ADAT2: variants seen among roughly 807,000 people sequenced by gnomAD.
The protein encoded by ADAT2 is tRNA-specific adenosine-34 deaminase catalytic subunit ADAT2.
Under a neutral mutation model 25.9 loss-of-function variants are expected in ADAT2, and 26 were observed. That is an observed-to-expected ratio of 1.00 (90% CI 0.74 to 1.39). ADAT2 has a LOEUF of 1.39. Ranked by LOEUF, ADAT2 falls within the 40% of genes most tolerant of loss-of-function variation. The pLI, the probability that ADAT2 is intolerant of heterozygous loss-of-function variation, is 0.00. For missense variants in ADAT2, 220 were observed against 244.8 expected (o/e 0.90, Z 0.68); for synonymous variants, 76 against 86.8 (o/e 0.88, Z 0.69).
At chr6:143,447,940 T>C (rs924443008) in intron 1 of ADAT2, among the ~76,000 whole-genome samples, 1 of 152,172 alleles carries the variant, frequency 6.6e-6, no homozygotes, top group Non-Finnish European at 1.5e-5. Flanking sequence ...TAAAGACACA[T>C]GCACAAGAAT....
Position 143,428,741 on chromosome 6 carries a change from C to T in ADAT2, c.460-57G>A. ...AGGCCTATGAAAATGTGTGCTGTAT[C>T]CCATAAAAACAACATATATATACAT... On this transcript the variant is annotated intron_variant, in intron 4 of 5. Coordinates refer to ENST00000237283, the MANE Select transcript of ADAT2 (RefSeq NM_182503.3). The surrounding 1 kb of genome is among the most constrained non-coding windows in gnomAD (Gnocchi z 5.0). 6.7e-7 allele frequency: 1 copy of T among 1,497,256 alleles called. No homozygotes were observed. The highest frequency in any genetic ancestry group is 2.3e-5 in the East Asian group (1 of 44,012). 92.7% of individuals were successfully genotyped at this position (1,497,256 alleles called of 1,614,324 possible). A position where few individuals can be genotyped will look rare whatever the true frequency, so the allele number is the denominator to read the frequency against.
rs1232161087 is a variant in ADAT2, at chr6:143,436,572, C to T, written c.201+2018G>A. 3 of 404,720 alleles carry T rather than the reference C, an allele frequency of 7.4e-6. No individual in the cohort carries two copies. Among genetic ancestry groups the T allele is most frequent in the Non-Finnish European group, 1.5e-5 (3 of 197,146 alleles). 25.1% of individuals were successfully genotyped at this position (404,720 alleles called of 1,614,324 possible). On this transcript the variant is annotated intron_variant, in intron 2 of 5. Transcript: ENST00000237283. This position sits in a 1 kb window ranked among gnomAD's most constrained non-coding sequence, Gnocchi z 4.1. ...AGGCCTTCCTGCACTGGTACATGGG[C>T]GAGGGCAAGAATGAGATGGAATTCA...
At chr6:143,435,143 C>T (rs1331517281) in intron 2 of ADAT2, among the ~76,000 whole-genome samples, 2 of 125,128 alleles carry the variant, frequency 1.6e-5, no homozygotes, top group African/African-American at 6.0e-5. Flanking sequence ...CACACCAAAA[C>T]TAAGTGGAGA....
chr6:143,438,636 T>A lies in ADAT2; in HGVS notation c.155A>T (p.Asn52Ile). 1 of 1,613,528 alleles carries A rather than the reference T, an allele frequency of 6.2e-7. No individual in the cohort carries two copies. Among genetic ancestry groups the A allele is most frequent in the Non-Finnish European group, 8.5e-7 (1 of 1,179,538 alleles). ...VPVGCLMVYN[N>I]EVVGKGRNEV... ...ATTTCTCCCCTTCCCTACAACTTCA[T>A]TGTTGTAGACCATAAGACAGCCAAC... The change falls in exon 2 of 6, where the codon AAT becomes ATT. Residue 52 changes from asparagine to isoleucine, a missense_variant. Physicochemically the swap from Asn to Ile is moderately radical, Grantham distance 149 (BLOSUM62 -3). Transcript: ENST00000237283.
At chr6:143,443,893 G>A (rs570475644) in intron 1 of ADAT2, among the ~76,000 whole-genome samples, 3 of 151,526 alleles carry the variant, frequency 2.0e-5, no homozygotes, top group African/African-American at 4.8e-5. Context: ...TGGAGGCCAT[G>A]TGATCAGGAT....
chr6:143,444,322 G>C lies in ADAT2; in HGVS notation c.97-5628C>G, dbSNP rs1208675418. On this transcript the variant is annotated intron_variant, in intron 1 of 5. Coordinates refer to ENST00000237283, the MANE Select transcript of ADAT2 (RefSeq NM_182503.3). This position sits in a 1 kb window ranked among gnomAD's most constrained non-coding sequence, Gnocchi z 4.3. Reference sequence around the variant, plus strand: ...GAGCCTGCCATGCTGAGGATGAGTGGGTAAGCAACTGGAATGGTAGGCAGG... The same window carrying C: ...GAGCCTGCCATGCTGAGGATGAGTGCGTAAGCAACTGGAATGGTAGGCAGG... Among the ~76,000 whole-genome samples the C allele has an allele frequency of 6.6e-6, 1 of 152,092 alleles. No homozygotes were observed. The highest frequency in any genetic ancestry group is 1.9e-4 in the East Asian group (1 of 5,196).
rs1778926342 is a variant in ADAT2, at chr6:143,426,068, T to TA, written c.*2394dup. On this transcript the variant is annotated 3_prime_UTR_variant, in exon 6 of 6. Coordinates refer to ENST00000237283, the MANE Select transcript of ADAT2 (RefSeq NM_182503.3). This position sits in a 1 kb window ranked among gnomAD's most constrained non-coding sequence, Gnocchi z 4.1. ...GCTTCTAAATGTAATCATTTCCCCC[T>TA]AATTTCTCTCAACAGGGCAGTGATT... 1 of 152,384 alleles carries TA rather than the reference T, an allele frequency of 6.6e-6. No individual in the cohort carries two copies. Among genetic ancestry groups the TA allele is most frequent in the Non-Finnish European group, 1.5e-5 (1 of 68,032 alleles). 9.4% of individuals were successfully genotyped at this position (152,384 alleles called of 1,614,324 possible).
At chr6:143,450,522 A>G (rs1779731036) in intron 1 of ADAT2, 41 bp downstream of exon 1, 2 of 1,600,204 alleles carry the variant, frequency 1.2e-6, no homozygotes, top group African/African-American at 2.7e-5. Flanking sequence ...AGGGCTGGAG[A>G]AAGGTCCCAC....
At position 143,443,860 on chromosome 6, in the gene ADAT2, A is replaced by C. The variant is rs1012368292; in HGVS notation, c.97-5166T>G. ...AAAAAAAAAGTTAAAAAAAAAAACA[A>C]AAACGGCAAGAGAATAAACAAATGG... On this transcript the variant is annotated intron_variant, in intron 1 of 5. Transcript: ENST00000237283. 2.6e-5 allele frequency among the ~76,000 whole-genome samples: 4 copies of C among 152,088 alleles called. No individual in the cohort carries two copies. The South Asian group carries it at 8.3e-4, about 32-fold the overall frequency.
At position 143,428,751 on chromosome 6, in the gene ADAT2, C is replaced by T; in HGVS notation, c.460-67G>A. On this transcript the variant is annotated intron_variant, in intron 4 of 5. Transcript: ENST00000237283. This position sits in a 1 kb window ranked among gnomAD's most constrained non-coding sequence, Gnocchi z 5.0. ...AAATGTGTGCTGTATCCCATAAAAA[C>T]AACATATATATACATGATTATGTAA... 6 of 1,401,854 alleles carry T rather than the reference C, an allele frequency of 4.3e-6. No homozygotes were observed. The highest frequency in any genetic ancestry group is 6.0e-6 in the Non-Finnish European group (6 of 1,002,830). 86.8% of individuals were successfully genotyped at this position (1,401,854 alleles called of 1,614,324 possible). A position where few individuals can be genotyped will look rare whatever the true frequency, so the allele number is the denominator to read the frequency against.
chr6:143,445,780 G>A lies in ADAT2; in HGVS notation c.96+4783C>T, dbSNP rs1046152172. Among the ~76,000 whole-genome samples the A allele has an allele frequency of 2.0e-5, 3 of 152,070 alleles. No individual in the cohort carries two copies. The East Asian group carries it at 5.8e-4, about 29-fold the overall frequency. On this transcript the variant is annotated intron_variant, in intron 1 of 5. Coordinates refer to ENST00000237283, the MANE Select transcript of ADAT2 (RefSeq NM_182503.3). Reference sequence around the variant, plus strand: ...CTCACCTCTGCAGCCTATGCACCCAGCACAAGGTCTAACACATAGCAAAAA... The same window carrying A: ...CTCACCTCTGCAGCCTATGCACCCAACACAAGGTCTAACACATAGCAAAAA...
chr6:143,447,024 A>G (rs542552481), intron 1 of ADAT2, among the ~76,000 whole-genome samples: 11 of 152,360 alleles, frequency 7.2e-5, no homozygotes, highest in African/African-American at 2.4e-4. Context: ...TGCTATGCTT[A>G]GCTCTCAGAA....
chr6:143,449,468 T>C (rs764011575), intron 1 of ADAT2, among the ~76,000 whole-genome samples: 1 of 152,210 alleles, frequency 6.6e-6, no homozygotes, highest in Non-Finnish European at 1.5e-5. Context: ...TGTGATTCCA[T>C]AGTTTACGTC....
chr6:143,442,049 G>A lies in ADAT2; in HGVS notation c.97-3355C>T, dbSNP rs1562643339. 1 of 152,074 alleles carries A rather than the reference G, an allele frequency of 6.6e-6. No individual in the cohort carries two copies. 9.4% of individuals were successfully genotyped at this position (152,074 alleles called of 1,614,324 possible). On this transcript the variant is annotated intron_variant, in intron 1 of 5. Coordinates refer to ENST00000237283, the MANE Select transcript of ADAT2 (RefSeq NM_182503.3). This position sits in a 1 kb window ranked among gnomAD's most constrained non-coding sequence, Gnocchi z 4.6. ...TTATGACCCAACAATTCCACTCTTG[G>A]GCATTTATCCCAGAGAAATGAAAAC...
In ADAT2 at chr6:143,423,946, A is replaced by C. The variant is rs1289286393; in HGVS notation, c.*4517T>G. On this transcript the variant is annotated 3_prime_UTR_variant, in exon 6 of 6. Transcript: ENST00000237283. The stretch of plus-strand genomic sequence containing the variant: ...TTAGGGCCTGACTGAAGTTTGGTCA[A>C]GGAGAGAGCCTTTGTCAAACTACAC... The C allele has an allele frequency of 2.0e-5, 3 of 152,222 alleles. No individual in the cohort carries two copies. Among genetic ancestry groups the C allele is most frequent in the Non-Finnish European group, 4.4e-5 (3 of 68,058 alleles). 9.4% of individuals were successfully genotyped at this position (152,222 alleles called of 1,614,324 possible).
Position 143,434,615 on chromosome 6 carries a change from G to A in ADAT2, c.202-634C>T, listed in dbSNP as rs1004045908. Among the ~76,000 whole-genome samples, 3 of 152,144 alleles carry A rather than the reference G, an allele frequency of 2.0e-5. No homozygotes were observed. The highest frequency in any genetic ancestry group is 2.9e-5 in the Non-Finnish European group (2 of 68,034). ...GACATTACCAATTATGTGGACTTAC[G>A]CAAGTAACTTAACTTCTGTAAGTCT... On this transcript the variant is annotated intron_variant, in intron 2 of 5. Transcript: ENST00000237283. The surrounding 1 kb of genome is among the most constrained non-coding windows in gnomAD (Gnocchi z 4.5).
At chr6:143,445,138 G>T (rs1000339562) in intron 1 of ADAT2, among the ~76,000 whole-genome samples, 4 of 151,334 alleles carry the variant, frequency 2.6e-5, no homozygotes, top group African/African-American at 7.3e-5. Flanking sequence ...TAACTTTGGG[G>T]ATTTAAAAAG....
rs1778939421 is a variant in ADAT2 at position 143,426,525 on chromosome 6, A to G, written c.*1938T>C. On this transcript the variant is annotated 3_prime_UTR_variant, in exon 6 of 6. Coordinates refer to ENST00000237283, the MANE Select transcript of ADAT2 (RefSeq NM_182503.3). This position sits in a 1 kb window ranked among gnomAD's most constrained non-coding sequence, Gnocchi z 4.1. The stretch of plus-strand genomic sequence containing the variant: ...TAAACCACAATTAAATTGTTCAGCT[A>G]TGCTTCAGAATCAGGAAACACTACT... The G allele has an allele frequency of 6.6e-6, 1 of 152,226 alleles. No individual in the cohort carries two copies. Among genetic ancestry groups the G allele is most frequent in the Non-Finnish European group, 1.5e-5 (1 of 68,034 alleles). The allele number at this position is 152,226 out of a possible 1,614,324, so 9.4% of individuals were successfully genotyped here. A position where few individuals can be genotyped will look rare whatever the true frequency, so the allele number is the denominator to read the frequency against.
At position 143,433,828 on chromosome 6, in the gene ADAT2, T is replaced by C. The variant is rs779694368; in HGVS notation, c.352+3A>G. The C allele has an allele frequency of 6.2e-7, 1 of 1,613,594 alleles. No homozygotes were observed. Among genetic ancestry groups the C allele is most frequent in the Non-Finnish European group, 8.5e-7 (1 of 1,179,598 alleles). ...TACATTAACTCATGAAGTCAAAGGA[T>C]ACTCATCAGGCGGAGAGCAGCTGCA... On this transcript the variant is annotated splice_donor_region_variant and intron_variant, in intron 3 of 5. Transcript: ENST00000237283.
Sources: gnomAD v4.1 joint callset for allele counts (sites outside exome capture counted in the v4.1 genomes callset) on GRCh38, gnomAD v4.1.1 for gene constraint, Gnocchi (gnomAD v3.1) non-coding constraint, MANE v1.5 for transcripts, NCBI Gene and HGNC (gene_info 2026-07-23, HGNC 2026-07-21) for gene names.